CNIH3: variants seen among roughly 807,000 people sequenced by gnomAD.
The protein encoded by CNIH3 is protein cornichon homolog 3.
CNIH3 carries 14 observed loss-of-function variants against 24.1 expected under a neutral mutation model. That is an observed-to-expected ratio of 0.58 (90% CI 0.38 to 0.91). CNIH3 has a LOEUF of 0.91. Ranked by LOEUF, CNIH3 falls within the 40% of genes least tolerant of loss-of-function variation. The pLI is 0.00. For missense variants in CNIH3, 178 were observed against 196.8 expected (o/e 0.90, Z 0.57); for synonymous variants, 68 against 73.8 (o/e 0.92, Z 0.40).
chr1:224,629,632 C>G (rs1187338358), intron 1 of CNIH3, among the ~76,000 whole-genome samples: 6 of 152,016 alleles, frequency 3.9e-5, no homozygotes, highest in African/African-American at 4.8e-5. Context: ...GGCTTGAGTC[C>G]CTGCCTCTAG....
chr1:224,640,486 G>A (rs933875311), intron 1 of CNIH3, among the ~76,000 whole-genome samples: 6 of 152,322 alleles, frequency 3.9e-5, no homozygotes, highest in Middle Eastern at 3.4e-3. Flanking sequence ...GTTTGGAGAA[G>A]GCACATGCGA....
intron 1 of CNIH3, among the ~76,000 whole-genome samples, chr1:224,634,727 G>A (rs567478067): frequency 1.7e-3 from 252 of 151,886 alleles, no homozygotes; most frequent in Non-Finnish European, 2.5e-3. Context: ...CCCTTGCCTC[G>A]CAACTCACTC....
intron 1 of CNIH3, among the ~76,000 whole-genome samples, chr1:224,663,048 A>C (rs1685435495): frequency 6.6e-6 from 1 of 152,186 alleles, no homozygotes; most frequent in South Asian, 2.1e-4. Context: ...GCAATGGCAA[A>C]AACCGCAATT....
At position 224,684,763 on chromosome 1, in the gene CNIH3, C is replaced by T. The variant is rs191085054; in HGVS notation, c.151-33C>T. On this transcript the variant is annotated intron_variant, in intron 2 of 5. Coordinates refer to ENST00000272133, the MANE Select transcript of CNIH3 (RefSeq NM_152495.2). The surrounding 1 kb of genome is among the most constrained non-coding windows in gnomAD (Gnocchi z 4.2). ...GCTATTTTAGCAGAACCCCTAACCT[C>T]CCCTCTCATTTCTTTCTTGTGCATC... The T allele has an allele frequency of 2.1e-3, 3,424 of 1,602,790 alleles. 6 individuals carry two copies. Among genetic ancestry groups the T allele is most frequent in the Non-Finnish European group, 2.6e-3 (3,020 of 1,169,724 alleles).
chr1:224,700,703 C>A lies in CNIH3; in HGVS notation c.198+15860C>A, dbSNP rs1687438916. 2.0e-5 allele frequency among the ~76,000 whole-genome samples: 3 copies of A among 152,160 alleles called. No individual in the cohort carries two copies. In the South Asian group the frequency reaches 6.2e-4, roughly 32 times the overall value. ...CCATCATTCTCCTGGAGAAAGGGCC[C>A]AAACAGAAGGGACTGGGTCCTGCCT... On this transcript the variant is annotated intron_variant, in intron 3 of 5. Transcript: ENST00000272133.
At chr1:224,469,012 G>A (rs538854655) in intron 1 of CNIH3, among the ~76,000 whole-genome samples, 12 of 150,890 alleles carry the variant, frequency 8.0e-5, no homozygotes, top group Non-Finnish European at 1.6e-4. Context: ...TTTTGTGCAC[G>A]TGAATGGGAA....
At chr1:224,645,424 C>T (rs941284288) in intron 1 of CNIH3, among the ~76,000 whole-genome samples, 4 of 152,262 alleles carry the variant, frequency 2.6e-5, no homozygotes, top group Admixed American at 1.3e-4. Context: ...CTCTGTTCAG[C>T]GTTGTACTGG....
At chr1:224,727,618 A>C (rs1470971683) in intron 3 of CNIH3, among the ~76,000 whole-genome samples, 1 of 152,214 alleles carries the variant, frequency 6.6e-6, no homozygotes, top group Admixed American at 6.5e-5. Flanking sequence ...GGAGGCAGCC[A>C]TAATGGCTAT....
chr1:224,471,831 C>T (rs920233453), intron 1 of CNIH3, among the ~76,000 whole-genome samples: 4 of 152,122 alleles, frequency 2.6e-5, no homozygotes, highest in African/African-American at 7.2e-5. Flanking sequence ...ACCTCATGAT[C>T]CACCGGCCTC....
chr1:224,492,993 ACAGTGATC>A (rs1677292125), intron 1 of CNIH3, among the ~76,000 whole-genome samples: 1 of 152,212 alleles, frequency 6.6e-6, no homozygotes, highest in East Asian at 1.9e-4. Context: ...AGAATGGAGG[ACAGTGATC>A]CATGGAATCC....
chr1:224,698,665 G>T (rs1687308240), intron 3 of CNIH3, among the ~76,000 whole-genome samples: 1 of 152,216 alleles, frequency 6.6e-6, no homozygotes, highest in Non-Finnish European at 1.5e-5. Context: ...TGTATTTCAA[G>T]CACACATATT....
chr1:224,665,822 GTC>G (rs1215682986), intron 1 of CNIH3, among the ~76,000 whole-genome samples: 1 of 135,774 alleles, frequency 7.4e-6, no homozygotes, highest in Non-Finnish European at 1.5e-5. Flanking sequence ...ACAGGTTAGA[GTC>G]GATAGGTTTA....
intron 1 of CNIH3, among the ~76,000 whole-genome samples, chr1:224,659,792 A>G (rs1685258338): frequency 6.6e-6 from 1 of 152,184 alleles, no homozygotes; most frequent in Non-Finnish European, 1.5e-5. Flanking sequence ...GAACTGGAGG[A>G]AAAAAAGTTA....
chr1:224,440,084 A>G (rs1231796631), intron 1 of CNIH3, among the ~76,000 whole-genome samples: 1 of 151,820 alleles, frequency 6.6e-6, no homozygotes, highest in Non-Finnish European at 1.5e-5. Context: ...CACTGCGCCC[A>G]GCCAATTTTG....
intron 1 of CNIH3, among the ~76,000 whole-genome samples, chr1:224,460,266 A>G (rs1024204019): frequency 6.6e-6 from 1 of 152,176 alleles, no homozygotes; most frequent in Non-Finnish European, 1.5e-5. Context: ...TACACTGCTT[A>G]TATTTAAAGT....
In CNIH3 at chr1:224,681,791, G is replaced by C. The variant is rs557374953; in HGVS notation, c.150+765G>C. Reference sequence around the variant, plus strand: ...GAGACCAACCCTGTATGTGGACAGAGCCTTTTCCAAACTTACTCCCTACCT... The same window carrying C: ...GAGACCAACCCTGTATGTGGACAGACCCTTTTCCAAACTTACTCCCTACCT... On this transcript the variant is annotated intron_variant, in intron 2 of 5. Transcript: ENST00000272133. Among the ~76,000 whole-genome samples, 11 of 152,312 alleles carry C rather than the reference G, an allele frequency of 7.2e-5. No individual in the cohort carries two copies. In the East Asian group the frequency reaches 2.1e-3, roughly 29 times the overall value.
intron 5 of CNIH3, among the ~76,000 whole-genome samples, chr1:224,585,578 A>C (rs1391919595): frequency 6.6e-6 from 1 of 151,926 alleles, no homozygotes; most frequent in Non-Finnish European, 1.5e-5. Flanking sequence ...TCTTGGGCTC[A>C]AGCGGTCCTC....
In CNIH3 at chr1:224,578,309, C is replaced by G. The variant is rs558975345; in HGVS notation, n.517-4855C>G. On this transcript the variant is annotated intron_variant and non_coding_transcript_variant, in intron 4 of 5. Coordinates refer to the CNIH3 transcript ENST00000471578. ...TACTAATTTATTTCCCTAACTTGCTCCCAAGATATAAATCTGCCTTCAGTA... is the reference window on the plus strand; with the variant it reads ...TACTAATTTATTTCCCTAACTTGCTGCCAAGATATAAATCTGCCTTCAGTA... Among the ~76,000 whole-genome samples the G allele has an allele frequency of 2.6e-5, 4 of 152,288 alleles. No homozygotes were observed. In the East Asian group the frequency reaches 7.7e-4, roughly 29 times the overall value.
Position 224,706,378 on chromosome 1 carries a change from C to T in CNIH3, c.198+21535C>T, listed in dbSNP as rs149394795. Among the ~76,000 whole-genome samples, 932 of 152,194 alleles carry T rather than the reference C, an allele frequency of 6.1e-3. 32 individuals are homozygous for T. Among genetic ancestry groups the T allele is most frequent in the Middle Eastern group, 6.8e-3 (2 of 294 alleles). ...TCATCAGACAAATTACAGGCAATGA[C>T]GCACATAGCATCCTCGCCTGTTCCG... is the stretch of plus-strand genomic sequence containing the variant. On this transcript the variant is annotated intron_variant, in intron 3 of 5. Transcript: ENST00000272133.
Sources: allele counts gnomAD v4.1 joint callset (sites outside exome capture counted in the v4.1 genomes callset), GRCh38; gene constraint gnomAD v4.1.1; non-coding constraint Gnocchi (gnomAD v3.1); transcripts MANE v1.5; gene names NCBI Gene and HGNC (gene_info 2026-07-23, HGNC 2026-07-21).